SYT14: variants seen among roughly 807,000 people sequenced by gnomAD.
SYT14 encodes synaptotagmin-14.
A neutral mutation model predicts 74.2 loss-of-function variants in SYT14; 32 were observed. That is an observed-to-expected ratio of 0.43 (90% CI 0.33 to 0.58). The LOEUF (loss-of-function observed/expected upper bound fraction) is 0.58. Among genes scored for constraint, SYT14 ranks in the 20% least tolerant of loss-of-function variants. SYT14 has a pLI of 0.05. For synonymous variants in SYT14, 298 were observed against 337.7 expected (o/e 0.88, Z 1.29); for missense variants, 791 against 981.8 (o/e 0.81, Z 2.60).
chr1:210,132,436 T>G (rs2082694330), intron 7 of SYT14, among the ~76,000 whole-genome samples: 1 of 152,128 alleles, frequency 6.6e-6, no homozygotes, highest in Admixed American at 6.6e-5. Flanking sequence ...ATGTGCAGGT[T>G]TGTTGTATAG....
intron 5 of SYT14, among the ~76,000 whole-genome samples, chr1:210,040,018 A>G (rs761409088): frequency 5.3e-5 from 8 of 152,026 alleles, no homozygotes; most frequent in Non-Finnish European, 8.8e-5. Flanking sequence ...AGACTCAGCA[A>G]TCCCATTCCC....
intron 5 of SYT14, among the ~76,000 whole-genome samples, chr1:210,068,246 C>G (rs1231750414): frequency 6.6e-6 from 1 of 151,688 alleles, no homozygotes; most frequent in African/African-American, 2.4e-5. Context: ...TAAAAGATAT[C>G]CCTTTGCTAA....
intron 2 of SYT14, among the ~76,000 whole-genome samples, chr1:209,957,543 C>T (rs1441303374): frequency 1.3e-5 from 2 of 152,074 alleles, no homozygotes; most frequent in Non-Finnish European, 2.9e-5. Flanking sequence ...TCTCCTGCCT[C>T]AGCCTCCCAA....
intron 5 of SYT14, among the ~76,000 whole-genome samples, chr1:210,029,829 T>C (rs1262819711): frequency 1.3e-5 from 2 of 152,192 alleles, no homozygotes; most frequent in Non-Finnish European, 2.9e-5. Context: ...TGTAAATCAC[T>C]TTTGGTATTA....
At chr1:210,015,019 T>C (rs2080155446) in intron 3 of SYT14, among the ~76,000 whole-genome samples, 1 of 151,022 alleles carries the variant, frequency 6.6e-6, no homozygotes, top group Non-Finnish European at 1.5e-5. Context: ...TTTAAAAATA[T>C]TATTAATTTA....
chr1:209,996,587 C>G (rs1191277497), intron 2 of SYT14, among the ~76,000 whole-genome samples: 1 of 151,946 alleles, frequency 6.6e-6, no homozygotes, highest in African/African-American at 2.4e-5. Context: ...GGAGGAGGGA[C>G]TCCTCCCTAA....
intron 7 of SYT14, among the ~76,000 whole-genome samples, chr1:210,106,379 T>C (rs2082157965): frequency 6.6e-6 from 1 of 152,174 alleles, no homozygotes; most frequent in African/African-American, 2.4e-5. Flanking sequence ...CAGTCAGTCA[T>C]TGCATGTTGG....
chr1:210,077,039 T>G (rs1195445110), intron 5 of SYT14, among the ~76,000 whole-genome samples: 1 of 152,222 alleles, frequency 6.6e-6, no homozygotes, highest in African/African-American at 2.4e-5. Flanking sequence ...GTTAGGCCAT[T>G]CTAGTGTTAC....
chr1:209,977,761 A>G (rs2079395974), intron 2 of SYT14, among the ~76,000 whole-genome samples: 1 of 152,152 alleles, frequency 6.6e-6, no homozygotes, highest in Non-Finnish European at 1.5e-5. Context: ...CTGCCTTGCT[A>G]GTTTGGGAAA....
intron 5 of SYT14, among the ~76,000 whole-genome samples, chr1:210,052,665 C>CAAAAAAAAAAAAAAAAA (rs561069342): frequency 0.017 from 702 of 42,156 alleles, 109 homozygotes; most frequent in Non-Finnish European, 0.022. Context: ...TACATCTCAC[C>CAAAAAAAAAAAAAAAAA]AAAAAAAAAA....
At chr1:209,974,896 G>A (rs1248640174) in intron 2 of SYT14, among the ~76,000 whole-genome samples, 1 of 152,070 alleles carries the variant, frequency 6.6e-6, no homozygotes, top group African/African-American at 2.4e-5. Context: ...ATTGAGCAGT[G>A]GTTTGTAGTT....
intron 5 of SYT14, among the ~76,000 whole-genome samples, chr1:210,041,115 G>A (rs1007059371): frequency 2.1e-4 from 32 of 152,178 alleles, no homozygotes; most frequent in African/African-American, 6.8e-4. Flanking sequence ...AGGACAGATG[G>A]ACATTGAACA....
intron 5 of SYT14, among the ~76,000 whole-genome samples, chr1:210,049,206 G>A (rs1362302234): frequency 2.2e-4 from 34 of 152,124 alleles, no homozygotes; most frequent in Admixed American, 2.2e-3. Context: ...TTTTCTCACA[G>A]CTCCACTAGG....
At chr1:210,051,813 A>G (rs572212756) in intron 5 of SYT14, among the ~76,000 whole-genome samples, 1 of 152,278 alleles carries the variant, frequency 6.6e-6, no homozygotes, top group African/African-American at 2.4e-5. Context: ...CATGAGAAAT[A>G]CCTACCTTTC....
intron 7 of SYT14, among the ~76,000 whole-genome samples, chr1:210,116,925 GTA>G (rs2102598423): frequency 6.6e-6 from 1 of 152,226 alleles, no homozygotes; most frequent in Admixed American, 6.5e-5. Context: ...AGAGGTGTCA[GTA>G]TCCTGCCCCT....
chr1:210,071,369 T>G (rs1300601503), intron 5 of SYT14, among the ~76,000 whole-genome samples: 1 of 125,620 alleles, frequency 8.0e-6, no homozygotes, highest in Non-Finnish European at 1.8e-5. Context: ...TTCTACATTG[T>G]AATACATATC....
intron 2 of SYT14, among the ~76,000 whole-genome samples, chr1:209,991,331 C>G (rs531782392): frequency 6.6e-6 from 1 of 152,202 alleles, no homozygotes; most frequent in East Asian, 1.9e-4. Context: ...ATAATCAACA[C>G]AGTGAACAGA....
intron 7 of SYT14, among the ~76,000 whole-genome samples, chr1:210,129,852 A>C (rs1205798617): frequency 6.6e-6 from 1 of 152,210 alleles, no homozygotes; most frequent in Non-Finnish European, 1.5e-5. Context: ...CAAAGTAAAG[A>C]TGCTCAGGCT....
intron 2 of SYT14, chr1:209,953,266 C>T: frequency 1.6e-6 from 2 of 1,286,728 alleles, no homozygotes; most frequent in South Asian, 1.2e-5. Flanking sequence ...AAAGGTAATT[C>T]AGTTACTAGG....
Sources: gnomAD v4.1 joint callset for allele counts (sites outside exome capture counted in the v4.1 genomes callset) on GRCh38, gnomAD v4.1.1 for gene constraint, MANE v1.5 for transcripts, NCBI Gene and HGNC (gene_info 2026-07-23, HGNC 2026-07-21) for gene names.